GUCY1B1: variants seen among roughly 807,000 people sequenced by gnomAD.
The protein encoded by GUCY1B1 is guanylate cyclase 1 soluble subunit beta 1, also known as guanylate cyclase soluble subunit beta-1.
A neutral mutation model predicts 71.0 loss-of-function variants in GUCY1B1; 43 were observed. The observed-to-expected ratio is 0.61, with a 90% CI of 0.47 to 0.78. GUCY1B1 has a LOEUF of 0.78. Ranked by LOEUF, GUCY1B1 falls within the 30% of genes least tolerant of loss-of-function variation. GUCY1B1 has a pLI of 0.00. For synonymous variants in GUCY1B1, 266 were observed against 259.7 expected, an observed-to-expected ratio of 1.02 and a Z score of -0.23; for missense variants, 535 against 754.1, an observed-to-expected ratio of 0.71 and a Z score of 3.40.
intron 1 of GUCY1B1, 67 bp from the exon 2 acceptor site, chr4:155,759,720 C>T: frequency 8.6e-7 from 1 of 1,167,270 alleles, no homozygotes; most frequent in Non-Finnish European, 1.3e-6. Flanking sequence ...AGGCAGCAGC[C>T]TCGCCCCCAA....
Position 155,759,025 on chromosome 4 carries a change from C to A in GUCY1B1, c.-116C>A. 1 of 1,162,606 alleles carries A rather than the reference C, an allele frequency of 8.6e-7. No individual in the cohort carries two copies. The highest frequency in any genetic ancestry group is 1.2e-6 in the Non-Finnish European group (1 of 802,086). 72.0% of individuals were successfully genotyped at this position (1,162,606 alleles called of 1,614,324 possible). The stretch of plus-strand genomic sequence containing the variant: ...CGGGCCAAGGCGGCTGTTCTCGCTC[C>A]AGCTCGATGCTGCCTCCCCGGCCCG... On this transcript the variant is annotated 5_prime_UTR_variant, in exon 1 of 14. Coordinates refer to ENST00000264424, the MANE Select transcript of GUCY1B1 (RefSeq NM_000857.5).
intron 8 of GUCY1B1, among the ~76,000 whole-genome samples, chr4:155,799,590 G>A (rs569876568): frequency 6.6e-6 from 1 of 152,112 alleles, no homozygotes; most frequent in Non-Finnish European, 1.5e-5. Flanking sequence ...ATACCTCAAC[G>A]TTTATCATAG....
rs77954773 is a variant in GUCY1B1 at position 155,782,443 on chromosome 4, G to A, written c.297+4801G>A. 1.2e-3 allele frequency among the ~76,000 whole-genome samples: 180 copies of A among 152,306 alleles called. No homozygotes were observed. The East Asian group carries it at 0.027, about 23-fold the overall frequency. ...AGTGTACTGATGAAAAGACTGCAAA[G>A]AATACATGGGATTTGAAAGCTTCAT... On this transcript the variant is annotated intron_variant, in intron 4 of 13. Transcript: ENST00000264424.
At position 155,800,087 on chromosome 4, in the gene GUCY1B1, C is replaced by A; in HGVS notation, c.1175+13C>A. 6.4e-7 allele frequency: 1 copy of A among 1,567,006 alleles called. No homozygotes were observed. Among genetic ancestry groups the A allele is most frequent in the Admixed American group, 1.7e-5 (1 of 58,486 alleles). The stretch of plus-strand genomic sequence containing the variant: ...AAAAGACAGACACGTAAGAATGTAA[C>A]GCTTGGAGCACTACTGTTATTCATA... On this transcript the variant is annotated intron_variant, in intron 9 of 13. Transcript: ENST00000264424.
intron 2 of GUCY1B1, among the ~76,000 whole-genome samples, chr4:155,763,875 A>G (rs993726508): frequency 1.3e-4 from 20 of 152,226 alleles, no homozygotes; most frequent in African/African-American, 4.8e-4. Context: ...TCTTGACAAT[A>G]GCTTAATAAA....
At chr4:155,788,822 G>A (rs1289176519) in intron 4 of GUCY1B1, among the ~76,000 whole-genome samples, 2 of 151,992 alleles carry the variant, frequency 1.3e-5, no homozygotes, top group Non-Finnish European at 2.9e-5. Flanking sequence ...CCTATACCAT[G>A]CTGTGCTGTG....
intron 5 of GUCY1B1, among the ~76,000 whole-genome samples, chr4:155,790,408 T>G (rs1739076160): frequency 6.6e-6 from 1 of 152,240 alleles, no homozygotes; most frequent in Non-Finnish European, 1.5e-5. Context: ...AGTTACTTGG[T>G]GAAAGAAGCC....
chr4:155,784,105 T>C (rs1401019810), intron 4 of GUCY1B1, among the ~76,000 whole-genome samples: 2 of 152,160 alleles, frequency 1.3e-5, no homozygotes, highest in African/African-American at 2.4e-5. Context: ...CTGTTTTTCT[T>C]TAATTAAAAT....
rs1319657735 is a variant in GUCY1B1, at chr4:155,806,739, G to A, written c.*330G>A. 1 of 278,778 alleles carries A rather than the reference G, an allele frequency of 3.6e-6. No homozygotes were observed. Among genetic ancestry groups the A allele is most frequent in the Non-Finnish European group, 6.7e-6 (1 of 149,450 alleles). 17.3% of individuals were successfully genotyped at this position (278,778 alleles called of 1,614,324 possible). A position where few individuals can be genotyped will look rare whatever the true frequency, so the allele number is the denominator to read the frequency against. ...ACCCAATAAATATTTGTTGAATTTA[G>A]TTAAATGAAACTGAACAGTGTTTGG... On this transcript the variant is annotated 3_prime_UTR_variant, in exon 14 of 14. Coordinates refer to ENST00000264424, the MANE Select transcript of GUCY1B1 (RefSeq NM_000857.5).
At chr4:155,759,968 C>T (rs1177879653) in intron 2 of GUCY1B1, 108 bp downstream of exon 2, 1 of 719,244 alleles carries the variant, frequency 1.4e-6, no homozygotes, top group Non-Finnish European at 2.4e-6. Context: ...GGCGCGCATC[C>T]TTGGAGGTGC....
In GUCY1B1 at chr4:155,806,813, ATATATG is replaced by A. The variant is rs1740349558; in HGVS notation, c.*416_*421del. The A allele has an allele frequency of 5.9e-6, 1 of 168,392 alleles. No individual in the cohort carries two copies. The highest frequency in any genetic ancestry group is 1.3e-5 in the Non-Finnish European group (1 of 78,806). The allele number at this position is 168,392 out of a possible 1,614,324, so 10.4% of individuals were successfully genotyped here. On this transcript the variant is annotated 3_prime_UTR_variant, in exon 14 of 14. Transcript: ENST00000264424. The stretch of plus-strand genomic sequence containing the variant: ...TTACCAAATCTGTTTAGTGTTCCAC[ATATATG>A]TATATGTATATTTTAATGACTATAA...
intron 6 of GUCY1B1, 53 bp downstream of exon 6, chr4:155,794,139 CT>C (rs756282026): frequency 1.1e-6 from 1 of 947,688 alleles, no homozygotes; most frequent in Non-Finnish European, 1.7e-6. Flanking sequence ...CATAGAAATA[CT>C]ATTGTTACAG....
At chr4:155,775,855 A>G (rs569099182) in intron 3 of GUCY1B1, among the ~76,000 whole-genome samples, 266 of 152,338 alleles carry the variant, frequency 1.7e-3, no homozygotes, top group African/African-American at 5.8e-3. Context: ...GTTGTTCTCA[A>G]AGTAGTATCT....
intron 8 of GUCY1B1, among the ~76,000 whole-genome samples, chr4:155,797,793 TA>T (rs1269604183): frequency 6.7e-6 from 1 of 148,378 alleles, no homozygotes; most frequent in East Asian, 1.9e-4. Flanking sequence ...CATTTAAGAT[TA>T]ATTAAATATT....
chr4:155,760,605 G>C (rs1377581385), intron 2 of GUCY1B1, among the ~76,000 whole-genome samples: 1 of 152,094 alleles, frequency 6.6e-6, no homozygotes, highest in Non-Finnish European at 1.5e-5. Flanking sequence ...CAGCATGTCT[G>C]CAGGCAGGTT....
At position 155,800,042 on chromosome 4, in the gene GUCY1B1, A is replaced by G. The variant is rs1739836273; in HGVS notation, c.1143A>G (p.Arg381=). The stretch of plus-strand genomic sequence containing the variant: ...CTGACAGGCTACAGCTCACGTTAAG[A>G]GCCCTGGAAGATGAAAAGAAAAAGA... ...ILTDRLQLTL[R]ALEDEKKKTD... is the part of the protein sequence containing the mutation. Residue 381 remains arginine, a synonymous_variant, in exon 9 of 14, where the codon AGA becomes AGG. Transcript: ENST00000264424. 6.2e-7 allele frequency: 1 copy of G among 1,612,948 alleles called. No individual in the cohort carries two copies. Among genetic ancestry groups the G allele is most frequent in the South Asian group, 1.1e-5 (1 of 90,964 alleles).
At chr4:155,765,382 C>T (rs968668675) in intron 2 of GUCY1B1, among the ~76,000 whole-genome samples, 2 of 152,106 alleles carry the variant, frequency 1.3e-5, no homozygotes, top group African/African-American at 2.4e-5. Flanking sequence ...GCTCAGCAGA[C>T]GTGAGTACTT....
At chr4:155,763,457 T>C (rs1055722784) in intron 2 of GUCY1B1, among the ~76,000 whole-genome samples, 4 of 152,130 alleles carry the variant, frequency 2.6e-5, no homozygotes, top group Non-Finnish European at 5.9e-5. Flanking sequence ...CTGACTTAAA[T>C]AAATCAGATA....
chr4:155,795,028 T>C (rs1052043394), intron 6 of GUCY1B1, among the ~76,000 whole-genome samples: 1 of 152,166 alleles, frequency 6.6e-6, no homozygotes, highest in East Asian at 1.9e-4. Flanking sequence ...ACACTGTACA[T>C]TTTAAAAGAT....
Sources: gnomAD v4.1 joint callset for allele counts (sites outside exome capture counted in the v4.1 genomes callset) on GRCh38, gnomAD v4.1.1 for gene constraint, MANE v1.5 for transcripts, NCBI Gene and HGNC (gene_info 2026-07-23, HGNC 2026-07-21) for gene names.